EPPK1: variants seen among roughly 807,000 people sequenced by gnomAD.
The protein encoded by EPPK1 is epiplakin.
For synonymous variants in EPPK1, 1,862 were observed against 1,721.2 expected (o/e 1.08, Z -2.03); for missense variants, 3,823 against 3,673.3 (o/e 1.04, Z -1.05).
chr8:143,877,714 G>C (rs969073867), intron 1 of EPPK1, among the ~76,000 whole-genome samples: 3 of 152,162 alleles, frequency 2.0e-5, no homozygotes, highest in African/African-American at 4.8e-5. Flanking sequence ...GCTTCTGCCC[G>C]GCTGTGTGCC....
chr8:143,868,528 C>T lies in EPPK1; in HGVS notation c.4726G>A (p.Val1576Ile). 2 of 1,607,006 alleles carry T rather than the reference C, an allele frequency of 1.2e-6. No individual in the cohort carries two copies. Among genetic ancestry groups the T allele is most frequent in the East Asian group, 2.2e-5 (1 of 44,650 alleles). Residue 1576 changes from valine (V) to isoleucine (I), a missense_variant, in exon 2 of 2, where the codon GTC becomes ATC. By Grantham distance (29) the Val-to-Ile change is conservative (BLOSUM62 3). Transcript: ENST00000615648. ...CTCTCCTGGGTGCCCTGGATAAGGA[C>T]CCCGGCAATGAAGTTGCCTCCCTCC... ...SLEGGNFIAGVLIQGTQERMS... is the reference protein window; with the variant it reads ...SLEGGNFIAGILIQGTQERMS...
chr8:143,857,661 G>C lies in EPPK1; in HGVS notation c.*326C>G, dbSNP rs1818918001. 1 of 329,560 alleles carries C rather than the reference G, an allele frequency of 3.0e-6. No homozygotes were observed. Among genetic ancestry groups the C allele is most frequent in the Non-Finnish European group, 5.5e-6 (1 of 182,796 alleles). 20.4% of individuals were successfully genotyped at this position (329,560 alleles called of 1,614,324 possible). A position where few individuals can be genotyped will look rare whatever the true frequency, so the allele number is the denominator to read the frequency against. ...TACCCGATGGCATGATGGACTGAGA[G>C]TCTAAAGAGTGACATTCTGTAAAAT... On this transcript the variant is annotated 3_prime_UTR_variant, in exon 2 of 2. Transcript: ENST00000615648.
In EPPK1 at chr8:143,871,906, G is replaced by A. The variant is rs1554661350; in HGVS notation, c.1348C>T (p.Gln450Ter). 1 of 1,608,280 alleles carries A rather than the reference G, an allele frequency of 6.2e-7. No individual in the cohort carries two copies. Among genetic ancestry groups the A allele is most frequent in the Non-Finnish European group, 8.5e-7 (1 of 1,179,676 alleles). ...TCGGTGACACAGAGGGCCAGCAGCT[G>A]TTCATAGCGCAGGCCGCCGTGCGTG... ...DGTHGGLRYE[Q>*]LLALCVTDPE... The change falls in exon 2 of 2, where the codon CAG becomes TAG. Residue 450 changes from glutamine (Q) to a stop codon, truncating the protein, a stop_gained. Transcript: ENST00000615648. LOFTEE classifies it low-confidence loss of function (END_TRUNC).
In EPPK1 at chr8:143,871,195, C is replaced by T. The variant is rs781883516; in HGVS notation, c.2059G>A (p.Ala687Thr). ...VFAKLLSAERAVTGYTDPYTG... is the reference protein window; with the variant it reads ...VFAKLLSAERTVTGYTDPYTG... ...TAGGGGTCAGTGTAGCCAGTGACAGCGCGCTCAGCCGACAGCAGCTTCGCG... is the reference window on the plus strand; with the variant it reads ...TAGGGGTCAGTGTAGCCAGTGACAGTGCGCTCAGCCGACAGCAGCTTCGCG... Residue 687 changes from alanine to threonine, a missense_variant, in exon 2 of 2, where the codon GCT becomes ACT. Physicochemically the swap from Ala to Thr is moderately conservative, Grantham distance 58 (BLOSUM62 0). Transcript: ENST00000615648. 5 of 1,613,066 alleles carry T rather than the reference C, an allele frequency of 3.1e-6. No homozygotes were observed. Among genetic ancestry groups the T allele is most frequent in the Admixed American group, 3.3e-5 (2 of 60,004 alleles).
Position 143,871,172 on chromosome 8 carries a change from G to A in EPPK1, c.2082C>T (p.Pro694=), listed in dbSNP as rs1222258589. 1.9e-6 allele frequency: 3 copies of A among 1,613,108 alleles called. No homozygotes were observed. Among genetic ancestry groups the A allele is most frequent in the Admixed American group, 1.7e-5 (1 of 60,012 alleles). ...AGAGGGAGATCTGCTGCCCGGTGTA[G>A]GGGTCAGTGTAGCCAGTGACAGCGC... ...AERAVTGYTD[P]YTGQQISLFQ... is the part of the protein sequence containing the mutation. Residue 694 remains proline (P), a synonymous_variant, in exon 2 of 2, where the codon CCC becomes CCT. Transcript: ENST00000615648.
Position 143,859,892 on chromosome 8 carries a change from G to T in EPPK1, c.13362C>A (p.Ile4454=). 1 of 527,240 alleles carries T rather than the reference G, an allele frequency of 1.9e-6. No individual in the cohort carries two copies. Among genetic ancestry groups the T allele is most frequent in the East Asian group, 3.2e-5 (1 of 31,262 alleles). The allele number at this position is 527,240 out of a possible 1,614,324, so 32.7% of individuals were successfully genotyped here. Residue 4454 remains isoleucine, a synonymous_variant, in exon 2 of 2, where the codon ATC becomes ATA. Coordinates refer to ENST00000615648, the MANE Select transcript of EPPK1 (RefSeq NM_031308.4). Reference sequence around the variant, plus strand: ...CCTTCTGCATGGCCTGGAAGAGGGAGATCTGCTGCCCGGTGTAGGGGTCGG... The same window carrying T: ...CCTTCTGCATGGCCTGGAAGAGGGATATCTGCTGCCCGGTGTAGGGGTCGG... ...GYTDPYTGQQ[I]SLFQAMQKDL...
In EPPK1 at chr8:143,870,905, C is replaced by G. The variant is rs201438426; in HGVS notation, c.2349G>C (p.Glu783Asp). 1.9e-6 allele frequency: 3 copies of G among 1,613,314 alleles called. No homozygotes were observed. In the South Asian group the frequency reaches 3.3e-5, roughly 18 times the overall value. Reference protein sequence around the residue: ...HENLTYLQLLERCVRDPETGL... With the variant: ...HENLTYLQLLDRCVRDPETGL... ...CCGTCTCGGGGTCACGCACACAGCG[C>G]TCCAGAAGCTGCAGGTACGTGAGGT... The change falls in exon 2 of 2, where the codon GAG becomes GAC. Residue 783 changes from glutamate (E) to aspartate (D), a missense_variant. Coordinates refer to ENST00000615648, the MANE Select transcript of EPPK1 (RefSeq NM_031308.4). This position sits in a 1 kb window ranked among gnomAD's most constrained non-coding sequence, Gnocchi z 5.2.
At position 143,866,530 on chromosome 8, in the gene EPPK1, T is replaced by C. The variant is rs1362258047; in HGVS notation, c.6724A>G (p.Lys2242Glu). The C allele has an allele frequency of 6.3e-7, 1 of 1,581,774 alleles. No homozygotes were observed. Among genetic ancestry groups the C allele is most frequent in the Non-Finnish European group, 8.6e-7 (1 of 1,166,578 alleles). Residue 2242 changes from lysine to glutamate, a missense_variant, in exon 2 of 2, where the codon AAG becomes GAG. Coordinates refer to ENST00000615648, the MANE Select transcript of EPPK1 (RefSeq NM_031308.4). ...PAKDQPGRQE[K>E]MSIYQAMWKG... ...CACATGGCCTGGTAGATGCTCATCTTCTCCTGGCGGCCGGGCTGGTCCTTG... is the reference window on the plus strand; with the variant it reads ...CACATGGCCTGGTAGATGCTCATCTCCTCCTGGCGGCCGGGCTGGTCCTTG...
chr8:143,879,049 T>C (rs938247287), upstream of EPPK1, among the ~76,000 whole-genome samples: 1 of 152,080 alleles, frequency 6.6e-6, no homozygotes, highest in Non-Finnish European at 1.5e-5. Flanking sequence ...ACCCTGGGAG[T>C]ACCTGGTCCC....
intron 1 of EPPK1, among the ~76,000 whole-genome samples, chr8:143,877,904 C>T (rs1819511864): frequency 6.6e-6 from 1 of 152,068 alleles, no homozygotes; most frequent in South Asian, 2.1e-4. Context: ...ACCGTGTGAC[C>T]GCTTACCTGA....
rs370774174 is a variant in EPPK1 at position 143,872,401 on chromosome 8, C to T, written c.853G>A (p.Gly285Ser). ...AGCAGGACAACCCCGGCCACGCTGC[C>T]GGTACCCTCCAGGTAGCGCCGCACC... is the stretch of plus-strand genomic sequence containing the variant. ...AEVRRYLEGT[G>S]SVAGVVLLPE... The change falls in exon 2 of 2, where the codon GGC (glycine) becomes AGC (serine). Residue 285 changes from glycine to serine, a missense_variant. Gly to Ser is a moderately conservative substitution (Grantham distance 56, BLOSUM62 0). Transcript: ENST00000615648. 119 of 1,602,684 alleles carry T rather than the reference C, an allele frequency of 7.4e-5. No homozygotes were observed. The East Asian group carries it at 2.3e-3, about 31-fold the overall frequency.
At chr8:143,878,898 T>G (rs1819544962), upstream of EPPK1, among the ~76,000 whole-genome samples, 1 of 151,988 alleles carries the variant, frequency 6.6e-6, no homozygotes, top group African/African-American at 2.4e-5. Flanking sequence ...GTCTGCTGGG[T>G]CCAGGGGTCT....
At position 143,867,589 on chromosome 8, in the gene EPPK1, C is replaced by T; in HGVS notation, c.5665G>A (p.Val1889Met). The change falls in exon 2 of 2, where the codon GTG (valine) becomes ATG (methionine). Residue 1889 changes from valine to methionine, a missense_variant. Physicochemically the swap from Val to Met is conservative, Grantham distance 21. Transcript: ENST00000615648. Reference protein sequence around the residue: ...GGQALSTLECVKPYLEGSGCI... With the variant: ...GGQALSTLECMKPYLEGSGCI... ...CCGCTGCCTTCCAGATAGGGCTTCA[C>T]ACACTCCAGCGTGCTGAGTGCCTGT... is the stretch of plus-strand genomic sequence containing the variant. The T allele has an allele frequency of 6.2e-7, 1 of 1,613,120 alleles. No homozygotes were observed. Among genetic ancestry groups the T allele is most frequent in the East Asian group, 2.2e-5 (1 of 44,890 alleles).
rs1445473451 is a variant in EPPK1, at chr8:143,868,774, TC to T, written c.4479del (p.Arg1494GlyfsTer45). 3 of 1,597,186 alleles carry T rather than the reference TC, an allele frequency of 1.9e-6. No individual in the cohort carries two copies. Among genetic ancestry groups the T allele is most frequent in the Non-Finnish European group, 2.5e-6 (3 of 1,176,902 alleles). ...RRELVALCRS[G>X]RAAALRQVVS... ...ACCACCTGCCGCAGGGCCGCAGCCC[TC>T]CCAGACCGACAGAGTGCCACCAGCT... On this transcript the variant is annotated frameshift_variant, in exon 2 of 2. Coordinates refer to ENST00000615648, the MANE Select transcript of EPPK1 (RefSeq NM_031308.4). LOFTEE classifies it low-confidence loss of function (END_TRUNC).
At position 143,873,014 on chromosome 8, in the gene EPPK1, G is replaced by A; in HGVS notation, c.240C>T (p.Ala80=). The A allele has an allele frequency of 6.3e-7, 1 of 1,575,404 alleles. No homozygotes were observed. The highest frequency in any genetic ancestry group is 2.3e-5 in the East Asian group (1 of 44,372). ...GGGCGAGGTCCACCAGGCCCCCAGT[G>A]GCTGCCTGGGCCTCTAGCAGAGCCT... ...LGQALLEAQA[A]TGGLVDLARG... Residue 80 remains alanine, a synonymous_variant, in exon 2 of 2, where the codon GCC becomes GCT. Transcript: ENST00000615648.
rs782421289 is a variant in EPPK1, at chr8:143,871,900, G to A, written c.1354C>T (p.Leu452=). ...TCTGGGTCGGTGACACAGAGGGCCA[G>A]CAGCTGTTCATAGCGCAGGCCGCCG... The part of the protein sequence containing the change: ...THGGLRYEQL[L]ALCVTDPETG... The change falls in exon 2 of 2, where the codon CTG becomes TTG. Residue 452 remains leucine, a synonymous_variant. Coordinates refer to ENST00000615648, the MANE Select transcript of EPPK1 (RefSeq NM_031308.4). The A allele has an allele frequency of 1.2e-5, 20 of 1,609,138 alleles. No individual in the cohort carries two copies. The East Asian group carries it at 4.2e-4, about 34-fold the overall frequency.
At position 143,868,346 on chromosome 8, in the gene EPPK1, T is replaced by C. The variant is rs1471383429; in HGVS notation, c.4908A>G (p.Lys1636=). The C allele has an allele frequency of 7.4e-6, 12 of 1,612,928 alleles. No individual in the cohort carries two copies. The highest frequency in any genetic ancestry group is 1.7e-5 in the Admixed American group (1 of 60,012). Residue 1636 remains lysine, a synonymous_variant, in exon 2 of 2, where the codon AAA becomes AAG. Coordinates refer to ENST00000615648, the MANE Select transcript of EPPK1 (RefSeq NM_031308.4). ...CCGACAGCAGCTTCACGTAGGTTTC[T>C]TTCCCGAACATTCCTGCTTTGAACG... ...EEAFKAGMFG[K]ETYVKLLSAE...
Position 143,871,430 on chromosome 8 carries a change from A to T in EPPK1, c.1824T>A (p.Gly608=). 2 of 1,604,794 alleles carry T rather than the reference A, an allele frequency of 1.2e-6. No individual in the cohort carries two copies. The highest frequency in any genetic ancestry group is 8.5e-7 in the Non-Finnish European group (1 of 1,176,940). Residue 608 remains glycine (G), a synonymous_variant, in exon 2 of 2, where the codon GGT becomes GGA. Transcript: ENST00000615648. ...GCAGCAGGCCAGCAATGCAGCCCGT[A>T]CCCTGCAGGTACCTCTGCACCGAGG... ...SLASVQRYLQ[G]TGCIAGLLLP...
chr8:143,867,664 C>A lies in EPPK1; in HGVS notation c.5590G>T (p.Val1864Phe), dbSNP rs143485250. The change falls in exon 2 of 2, where the codon GTC becomes TTC. Residue 1864 changes from valine to phenylalanine, a missense_variant. Physicochemically the swap from Val to Phe is conservative, Grantham distance 50 (BLOSUM62 -1). Coordinates refer to ENST00000615648, the MANE Select transcript of EPPK1 (RefSeq NM_031308.4). ...VTAADLFNSR[V>F]IDQKTLHTLR... is the part of the protein sequence containing the mutation. ...GTGTGCAGGGTCTTCTGATCGATGA[C>A]CCTGGAGTTGAACAGGTCTGCAGCT... The A allele has an allele frequency of 2.5e-6, 4 of 1,613,338 alleles. No homozygotes were observed. In the East Asian group the frequency reaches 6.7e-5, roughly 27 times the overall value.
Sources: allele counts gnomAD v4.1 joint callset (sites outside exome capture counted in the v4.1 genomes callset), GRCh38; gene constraint gnomAD v4.1.1; non-coding constraint Gnocchi (gnomAD v3.1); transcripts MANE v1.5; gene names NCBI Gene and HGNC (gene_info 2026-07-23, HGNC 2026-07-21).